Variants in ABCF1 observed in about 807,000 individuals in gnomAD.
ABCF1 encodes ATP binding cassette subfamily F member 1.
In ABCF1, 73 loss-of-function variants were observed where a neutral mutation model predicts 126.3. The observed-to-expected ratio is 0.58, with a 90% CI of 0.48 to 0.70. ABCF1 has a LOEUF of 0.70. Among genes scored for constraint, ABCF1 ranks in the 30% least tolerant of loss-of-function variants. ABCF1 has a pLI of 0.00. For missense variants in ABCF1, 786 were observed against 1,057.5 expected (o/e 0.74, Z 3.56); for synonymous variants, 345 against 396.4 (o/e 0.87, Z 1.54).
chr6:30,585,159 GA>G, intron 14 of ABCF1, 100 bp from the exon 15 acceptor site: 1 of 1,021,078 alleles, frequency 9.8e-7, no homozygotes, highest in Non-Finnish European at 1.6e-6. Flanking sequence ...GCTTGGGAAG[GA>G]GTGTTCATGG....
chr6:30,582,602 G>A (rs1008909407), intron 9 of ABCF1, 95 bp downstream of exon 9: 6 of 1,256,174 alleles, frequency 4.8e-6, no homozygotes, highest in Middle Eastern at 1.9e-4. Flanking sequence ...AGGTTTGGGG[G>A]CTACTCCAAG....
chr6:30,583,006 T>C lies in ABCF1; in HGVS notation c.793-60T>C. The C allele has an allele frequency of 6.4e-7, 1 of 1,573,418 alleles. No homozygotes were observed. The highest frequency in any genetic ancestry group is 1.3e-5 in the African/African-American group (1 of 74,248). ...GCATGCCCAGCCAGCATGGGCTGTT[T>C]CATGGTGATGGGAAACTGGTAGACT... is the stretch of plus-strand genomic sequence containing the variant. On this transcript the variant is annotated intron_variant, in intron 9 of 24. Transcript: ENST00000326195. This position sits in a 1 kb window ranked among gnomAD's most constrained non-coding sequence, Gnocchi z 4.1.
chr6:30,574,257 G>A lies in ABCF1; in HGVS notation c.73+2697G>A, dbSNP rs1336916446. On this transcript the variant is annotated intron_variant, in intron 1 of 24. Transcript: ENST00000326195. The surrounding 1 kb of genome is among the most constrained non-coding windows in gnomAD (Gnocchi z 4.3). Reference sequence around the variant, plus strand: ...TCAAGCCATCTTCCCTTGTAGCTGGGACTACAGGCACACACCGCCATGCCT... The same window carrying A: ...TCAAGCCATCTTCCCTTGTAGCTGGAACTACAGGCACACACCGCCATGCCT... Among the ~76,000 whole-genome samples, 3 of 152,004 alleles carry A rather than the reference G, an allele frequency of 2.0e-5. No homozygotes were observed. Among genetic ancestry groups the A allele is most frequent in the Admixed American group, 6.6e-5 (1 of 15,260 alleles).
At chr6:30,572,129 T>A (rs926548088) in intron 1 of ABCF1, among the ~76,000 whole-genome samples, 1 of 152,180 alleles carries the variant, frequency 6.6e-6, no homozygotes, top group African/African-American at 2.4e-5. Context: ...TTAAGCACTC[T>A]ATATACTGTG....
chr6:30,584,334 A>G lies in ABCF1; in HGVS notation c.1242+3A>G, dbSNP rs746237969. ...CAGCTGCTGAGAGGCTAGAGAAGGT[A>G]GAGGAGATGGCGCAGGGGACACGGG... On this transcript the variant is annotated splice_donor_region_variant and intron_variant, in intron 13 of 24. Coordinates refer to ENST00000326195, the MANE Select transcript of ABCF1 (RefSeq NM_001025091.2). This position sits in a 1 kb window ranked among gnomAD's most constrained non-coding sequence, Gnocchi z 4.6. 3.8e-5 allele frequency: 61 copies of G among 1,612,974 alleles called. No individual in the cohort carries two copies. Among genetic ancestry groups the G allele is most frequent in the Non-Finnish European group, 5.0e-5 (59 of 1,180,004 alleles).
At chr6:30,577,561 G>T in intron 2 of ABCF1, 106 bp downstream of exon 2, 1 of 1,374,234 alleles carries the variant, frequency 7.3e-7, no homozygotes, top group East Asian at 2.4e-5. Context: ...AAAAGATCTT[G>T]TCAAGAGAGG....
Position 30,580,155 on chromosome 6 carries a change from G to A in ABCF1, c.564+150G>A, listed in dbSNP as rs189740983. On this transcript the variant is annotated intron_variant, in intron 7 of 24. Transcript: ENST00000326195. The stretch of plus-strand genomic sequence containing the variant: ...AGGTCAGGAGATCGAGACCATCCTG[G>A]TAACACGGTAAAACCCCGTCTCTAC... 7.3e-5 allele frequency: 57 copies of A among 778,466 alleles called. No homozygotes were observed. In the East Asian group the frequency reaches 1.6e-3, roughly 22 times the overall value. The allele number at this position is 778,466 out of a possible 1,614,324, so 48.2% of individuals were successfully genotyped here.
chr6:30,578,343 T>G lies in ABCF1; in HGVS notation c.344-5T>G. On this transcript the variant is annotated splice_region_variant and splice_polypyrimidine_tract_variant and intron_variant, in intron 4 of 24. Coordinates refer to ENST00000326195, the MANE Select transcript of ABCF1 (RefSeq NM_001025091.2). The stretch of plus-strand genomic sequence containing the variant: ...CTATCTCATGTTCTCCCCCTGTCAT[T>G]TCAGTACCCGCCCCAAAACCCCGCG... 6.2e-7 allele frequency: 1 copy of G among 1,614,014 alleles called. No homozygotes were observed. Among genetic ancestry groups the G allele is most frequent in the Non-Finnish European group, 8.5e-7 (1 of 1,179,992 alleles).
intron 16 of ABCF1, 87 bp downstream of exon 16, chr6:30,585,769 C>T (rs1160177809): frequency 1.5e-5 from 24 of 1,577,142 alleles, no homozygotes; most frequent in Non-Finnish European, 2.0e-5. Context: ...TAAACTGAAT[C>T]CTGTCAGAAT....
At chr6:30,587,249 CA>C (rs9278735) in intron 20 of ABCF1, among the ~76,000 whole-genome samples, 14,550 of 138,922 alleles carry the variant, frequency 0.1, 1,222 homozygotes, top group African/African-American at 0.23. Flanking sequence ...GACTCCATCT[CA>C]AAAAAAAAAA....
chr6:30,573,023 C>T (rs1801331877), intron 1 of ABCF1, among the ~76,000 whole-genome samples: 1 of 152,110 alleles, frequency 6.6e-6, no homozygotes, highest in Non-Finnish European at 1.5e-5. Flanking sequence ...AAGGAAGGCC[C>T]ATTGAAGTGC....
At chr6:30,580,629 C>A in intron 8 of ABCF1, 110 bp downstream of exon 8, 1 of 690,636 alleles carries the variant, frequency 1.4e-6, no homozygotes, top group Non-Finnish European at 2.2e-6. Flanking sequence ...AACCTTTATT[C>A]TTTTCTTTTT....
chr6:30,572,339 A>G (rs1354234519), intron 1 of ABCF1, among the ~76,000 whole-genome samples: 3 of 152,200 alleles, frequency 2.0e-5, no homozygotes, highest in Non-Finnish European at 4.4e-5. Context: ...CTTTCCCTCA[A>G]GGGACAACCC....
At chr6:30,576,160 A>G (rs1283230424) in intron 1 of ABCF1, among the ~76,000 whole-genome samples, 1 of 150,860 alleles carries the variant, frequency 6.6e-6, no homozygotes, top group Non-Finnish European at 1.5e-5. Context: ...TGAATTTATA[A>G]TATCTTCTTC....
At chr6:30,577,972 T>A in intron 3 of ABCF1, 59 bp downstream of exon 3, 1 of 1,613,326 alleles carries the variant, frequency 6.2e-7, no homozygotes. Context: ...CCAACCCCTT[T>A]CCAGCCCATG....
At chr6:30,571,611 A>C in intron 1 of ABCF1, 51 bp downstream of exon 1, 1 of 1,569,568 alleles carries the variant, frequency 6.4e-7, no homozygotes, top group African/African-American at 1.3e-5. Context: ...GAGAGAGGAG[A>C]CTGCGCGTGT....
intron 20 of ABCF1, among the ~76,000 whole-genome samples, chr6:30,587,367 C>T (rs1802202973): frequency 6.6e-6 from 1 of 151,836 alleles, no homozygotes; most frequent in Non-Finnish European, 1.5e-5. Flanking sequence ...AGCCTGAGCC[C>T]AGTGTGGTGG....
intron 22 of ABCF1, 40 bp from the exon 23 acceptor site, chr6:30,590,109 A>AG: frequency 6.2e-7 from 1 of 1,612,430 alleles, no homozygotes; most frequent in Non-Finnish European, 8.5e-7. Flanking sequence ...TCAGAATGTG[A>AG]GGTGCTAGGT....
At chr6:30,577,304 G>GA in intron 1 of ABCF1, 105 bp from the exon 2 acceptor site, 1 of 1,076,152 alleles carries the variant, frequency 9.3e-7, no homozygotes, top group Non-Finnish European at 1.4e-6. Flanking sequence ...AGTTAAGCTA[G>GA]AAAAATAATA....
Sources: allele counts gnomAD v4.1 joint callset (sites outside exome capture counted in the v4.1 genomes callset), GRCh38; gene constraint gnomAD v4.1.1; non-coding constraint Gnocchi (gnomAD v3.1); transcripts MANE v1.5; gene names NCBI Gene and HGNC (gene_info 2026-07-23, HGNC 2026-07-21).